Variants in CAST observed in about 807,000 individuals in gnomAD.
CAST encodes MIR583 host.
In CAST, 76 loss-of-function variants were observed where a neutral mutation model predicts 119.6. The observed-to-expected ratio is 0.64, with a 90% CI of 0.53 to 0.77. The LOEUF is 0.77. Ranked by LOEUF, CAST falls within the 30% of genes least tolerant of loss-of-function variation. CAST has a pLI of 0.00. For synonymous variants in CAST, 319 were observed against 331.6 expected, an observed-to-expected ratio of 0.96 and a Z score of 0.41; for missense variants, 953 against 946.5, an observed-to-expected ratio of 1.01 and a Z score of -0.09.
intron 1 of CAST, among the ~76,000 whole-genome samples, chr5:96,548,519 A>AC (rs1324623031): frequency 6.6e-6 from 1 of 151,308 alleles, no homozygotes; most frequent in African/African-American, 2.4e-5. Flanking sequence ...TGGTAGATGC[A>AC]CCCCCCGCCC....
the CAST span, among the ~76,000 whole-genome samples, chr5:96,001,767 T>C: frequency 6.6e-6 from 1 of 152,356 alleles, no homozygotes; most frequent in East Asian, 1.9e-4. Context: ...CTCAAGACTT[T>C]TCTTTCAAAT....
At chr5:96,277,570 T>C in the CAST span, among the ~76,000 whole-genome samples, 1 of 152,154 alleles carries the variant, frequency 6.6e-6, no homozygotes, top group African/African-American at 2.4e-5. Context: ...CTCAAGTTTG[T>C]CTAAAAAAAT....
At chr5:96,285,723 T>C in the CAST span, among the ~76,000 whole-genome samples, 1 of 152,206 alleles carries the variant, frequency 6.6e-6, no homozygotes, top group Non-Finnish European at 1.5e-5. Flanking sequence ...ATTCCTATTG[T>C]GGAAAATGGG....
At chr5:96,191,936 G>A in the CAST span, among the ~76,000 whole-genome samples, 1 of 152,112 alleles carries the variant, frequency 6.6e-6, no homozygotes, top group African/African-American at 2.4e-5. Flanking sequence ...TAATTTCACG[G>A]TGACAAGAAT....
intron 12 of CAST, among the ~76,000 whole-genome samples, chr5:96,740,352 T>C (rs888550764): frequency 2.6e-5 from 4 of 152,146 alleles, no homozygotes; most frequent in African/African-American, 7.2e-5. Context: ...AAGTCTAGAA[T>C]CAAGGTGTCA....
the CAST span, among the ~76,000 whole-genome samples, chr5:96,083,950 C>A: frequency 6.6e-6 from 1 of 152,174 alleles, no homozygotes; most frequent in Non-Finnish European, 1.5e-5. Flanking sequence ...TTTTGGCAAG[C>A]TACTAAAGAT....
the CAST span, among the ~76,000 whole-genome samples, chr5:96,330,487 C>A: frequency 6.6e-6 from 1 of 152,208 alleles, no homozygotes; most frequent in Non-Finnish European, 1.5e-5. Context: ...TTTTAATGGT[C>A]ACACCTTTTC....
the CAST span, among the ~76,000 whole-genome samples, chr5:96,427,952 C>T: frequency 0.025 from 3,731 of 152,158 alleles, 149 homozygotes; most frequent in African/African-American, 0.085. Flanking sequence ...GGTCCAGGGC[C>T]TCTGATTTGG....
At chr5:96,453,486 AAT>A in the CAST span, among the ~76,000 whole-genome samples, 1 of 152,244 alleles carries the variant, frequency 6.6e-6, no homozygotes, top group African/African-American at 2.4e-5. Context: ...AGAGTGGACT[AAT>A]ATAAAAAAGA....
At chr5:96,006,846 A>G in the CAST span, among the ~76,000 whole-genome samples, 1 of 152,180 alleles carries the variant, frequency 6.6e-6, no homozygotes, top group African/African-American at 2.4e-5. Context: ...TATATTTTAT[A>G]TTTTAAGAAC....
intron 1 of CAST, among the ~76,000 whole-genome samples, chr5:96,583,904 C>A (rs1746807951): frequency 1.3e-5 from 2 of 152,170 alleles, no homozygotes; most frequent in Non-Finnish European, 2.9e-5. Context: ...AGGGGGTAGA[C>A]AGAAACAAGG....
chr5:96,012,968 C>G, the CAST span, among the ~76,000 whole-genome samples: 4 of 152,138 alleles, frequency 2.6e-5, no homozygotes, highest in Non-Finnish European at 5.9e-5. Context: ...ATTCCAGGCA[C>G]TGAAGCCTGA....
the CAST span, among the ~76,000 whole-genome samples, chr5:96,427,612 T>G: frequency 6.6e-6 from 1 of 152,190 alleles, no homozygotes; most frequent in African/African-American, 2.4e-5. Flanking sequence ...CCAAATCAGC[T>G]ATCAAGGGGA....
the CAST span, among the ~76,000 whole-genome samples, chr5:96,384,844 C>T: frequency 6.6e-6 from 1 of 152,126 alleles, no homozygotes; most frequent in Non-Finnish European, 1.5e-5. Flanking sequence ...AGTCTTAGTA[C>T]ACGCTAGTAT....
At chr5:96,082,657 A>AT in the CAST span, among the ~76,000 whole-genome samples, 110 of 152,152 alleles carry the variant, frequency 7.2e-4, no homozygotes, top group Non-Finnish European at 1.3e-3. Context: ...TTAGTTATAC[A>AT]TTTTTTTTAA....
chr5:96,587,182 G>A (rs1034807922), intron 1 of CAST, among the ~76,000 whole-genome samples: 1 of 152,132 alleles, frequency 6.6e-6, no homozygotes, highest in African/African-American at 2.4e-5. Flanking sequence ...AGCTAGAAAG[G>A]TTTGTACAGC....
At chr5:96,746,574 C>G (rs1763807848) in intron 17 of CAST, 149 bp downstream of exon 17, 3 of 672,562 alleles carry the variant, frequency 4.5e-6, no homozygotes. Flanking sequence ...TCTCTGCTCC[C>G]TACAGTTAGA....
the CAST span, among the ~76,000 whole-genome samples, chr5:96,437,740 T>C: frequency 1.3e-5 from 2 of 152,144 alleles, no homozygotes; most frequent in East Asian, 3.8e-4. Context: ...TCCGTAGTGA[T>C]TCATACGCAA....
the CAST span, among the ~76,000 whole-genome samples, chr5:96,362,297 T>G: frequency 2.0e-5 from 3 of 152,156 alleles, no homozygotes; most frequent in East Asian, 3.9e-4. Context: ...TAAACATATG[T>G]GTGCATGTGT....
Sources: gnomAD v4.1 joint callset for allele counts (sites outside exome capture counted in the v4.1 genomes callset) on GRCh38, gnomAD v4.1.1 for gene constraint, MANE v1.5 for transcripts, NCBI Gene and HGNC (gene_info 2026-07-23, HGNC 2026-07-21) for gene names.